Variants in CNGA1 observed in about 807,000 individuals in gnomAD.
CNGA1 encodes cyclic nucleotide-gated channel alpha-1.
In CNGA1, 53 loss-of-function variants were observed where a neutral mutation model predicts 69.7. The observed-to-expected ratio is 0.76, with a 90% CI of 0.61 to 0.96. The LOEUF (loss-of-function observed/expected upper bound fraction) is 0.96, where lower values mean the gene tolerates loss of function less well. Among genes scored for constraint, CNGA1 ranks in the 40% least tolerant of loss-of-function variants. CNGA1 has a pLI of 0.00. For synonymous variants in CNGA1, 249 were observed against 283.5 expected (o/e 0.88, Z 1.22); for missense variants, 739 against 811.2 (o/e 0.91, Z 1.08).
Position 48,016,502 on chromosome 4 carries a change from C to G in CNGA1, c.-242G>C. 1 of 371,848 alleles carries G rather than the reference C, an allele frequency of 2.7e-6. No individual in the cohort carries two copies. The highest frequency in any genetic ancestry group is 4.8e-6 in the Non-Finnish European group (1 of 207,552). 23.0% of individuals were successfully genotyped at this position (371,848 alleles called of 1,614,324 possible). A position where few individuals can be genotyped will look rare whatever the true frequency, so the allele number is the denominator to read the frequency against. On this transcript the variant is annotated 5_prime_UTR_variant, in exon 1 of 11. Transcript: ENST00000514170. The stretch of plus-strand genomic sequence containing the variant: ...AGTTACCTTGGCGGGCTCCACGCTC[C>G]GAGAGACGCTGTTGCTCTATGAGGC...
chr4:47,991,992 T>C (rs1342898824), intron 2 of CNGA1, among the ~76,000 whole-genome samples: 1 of 152,186 alleles, frequency 6.6e-6, no homozygotes, highest in South Asian at 2.1e-4. Flanking sequence ...TTTAGGCTTA[T>C]TTCTGGGTTT....
rs368061050 is a variant in CNGA1, at chr4:47,940,887, C to A, written c.546-18G>T. On this transcript the variant is annotated intron_variant, in intron 9 of 10. Transcript: ENST00000514170. ...AACATGCTCTATAAAAAAAGAAACACTTGTATAAATAAAAAAGAAATGGGG... is the reference window on the plus strand; with the variant it reads ...AACATGCTCTATAAAAAAAGAAACAATTGTATAAATAAAAAAGAAATGGGG... The A allele has an allele frequency of 2.0e-6, 3 of 1,514,774 alleles. No individual in the cohort carries two copies. In the South Asian group the frequency reaches 3.5e-5, roughly 18 times the overall value. 93.8% of individuals were successfully genotyped at this position (1,514,774 alleles called of 1,614,324 possible).
intron 1 of CNGA1, among the ~76,000 whole-genome samples, chr4:48,015,889 G>A (rs947414782): frequency 4.3e-4 from 66 of 152,196 alleles, no homozygotes; most frequent in Admixed American, 5.9e-4. Context: ...TGAGCCACCC[G>A]CCAGCCCTGC....
At chr4:48,016,373 A>T in intron 1 of CNGA1, 110 bp downstream of exon 1, 1 of 171,344 alleles carries the variant, frequency 5.8e-6, no homozygotes, top group Admixed American at 6.3e-5. Flanking sequence ...TAACACCTGA[A>T]GGCTTCCAAA....
At chr4:47,963,238 A>G (rs1740556524) in intron 3 of CNGA1, among the ~76,000 whole-genome samples, 1 of 152,266 alleles carries the variant, frequency 6.6e-6, no homozygotes. Flanking sequence ...GGCGTGGGCC[A>G]TCACGCCAAG....
intron 9 of CNGA1, among the ~76,000 whole-genome samples, chr4:47,941,231 C>T (rs1038012333): frequency 6.6e-6 from 1 of 152,098 alleles, no homozygotes; most frequent in South Asian, 2.1e-4. Context: ...GATGGACACT[C>T]TAAATACCCT....
At position 47,955,189 on chromosome 4, in the gene CNGA1, T is replaced by C. The variant is rs1459327959; in HGVS notation, c.-14-2486A>G. Among the ~76,000 whole-genome samples, 124 of 140,232 alleles carry C rather than the reference T, an allele frequency of 8.8e-4. 2 individuals are homozygous for C. The highest frequency in any genetic ancestry group is 1.8e-3 in the Non-Finnish European group (114 of 65,130). 92.0% of individuals were successfully genotyped at this position (140,232 alleles called of 152,430 possible). A position where few individuals can be genotyped will look rare whatever the true frequency, so the allele number is the denominator to read the frequency against. Reference sequence around the variant, plus strand: ...TTTTCTTTTCTTTTTTTTTTTTTTTTTTTTTTTTTTTGAGACAGAGTCTCA... The same window carrying C: ...TTTTCTTTTCTTTTTTTTTTTTTTTCTTTTTTTTTTTGAGACAGAGTCTCA... On this transcript the variant is annotated intron_variant, in intron 3 of 10. Transcript: ENST00000514170.
intron 6 of CNGA1, among the ~76,000 whole-genome samples, chr4:47,944,949 A>G (rs1309113280): frequency 6.6e-6 from 1 of 152,204 alleles, no homozygotes; most frequent in East Asian, 1.9e-4. Context: ...TTAATAGAAT[A>G]TAGTATTCCT....
At chr4:47,994,912 GAC>G (rs1742419369) in intron 2 of CNGA1, among the ~76,000 whole-genome samples, 1 of 152,094 alleles carries the variant, frequency 6.6e-6, no homozygotes, top group Non-Finnish European at 1.5e-5. Context: ...ATCTGAAAAA[GAC>G]TGTATCTTTC....
Position 47,952,585 on chromosome 4 carries a change from G to T in CNGA1, c.105C>A (p.Cys35Ter), listed in dbSNP as rs1237954156. 15 of 1,612,066 alleles carry T rather than the reference G, an allele frequency of 9.3e-6. No homozygotes were observed. Among genetic ancestry groups the T allele is most frequent in the African/African-American group, 4.0e-5 (3 of 74,870 alleles). The stretch of plus-strand genomic sequence containing the variant: ...CATGGGAAAATGTTTGGATTTACCT[G>T]CATGCTCCATTTTCCATCCTTCGTA... ...KEIRRMENGA[C>*]SSFSEDDDSA... The change falls in exon 4 of 11, where the codon TGC becomes TGA. Residue 35 changes from cysteine (C) to a stop codon, truncating the protein, a stop_gained and splice_region_variant. Coordinates refer to ENST00000514170, the MANE Select transcript of CNGA1 (RefSeq NM_001379270.1). LOFTEE classifies it high-confidence loss of function.
intron 10 of CNGA1, among the ~76,000 whole-genome samples, chr4:47,939,017 G>GAAGA (rs58284554): frequency 1.4e-4 from 21 of 149,770 alleles, no homozygotes; most frequent in Middle Eastern, 3.4e-3. Context: ...GAAAGAGAAA[G>GAAGA]AAGAAAGAAA....
chr4:47,974,374 G>C (rs1230830852), intron 3 of CNGA1, among the ~76,000 whole-genome samples: 1 of 110,734 alleles, frequency 9.0e-6, no homozygotes, highest in Non-Finnish European at 1.9e-5. Context: ...TTTAAAACAA[G>C]AGTCTGTTTA....
intron 2 of CNGA1, among the ~76,000 whole-genome samples, chr4:47,991,703 G>C (rs1342093594): frequency 6.6e-6 from 1 of 152,078 alleles, no homozygotes; most frequent in African/African-American, 2.4e-5. Context: ...TGTTTTTATT[G>C]CATTTGCTTT....
chr4:47,936,657 T>C lies in CNGA1; in HGVS notation c.1825A>G (p.Ile609Val), dbSNP rs1304756194. 13 of 1,614,054 alleles carry C rather than the reference T, an allele frequency of 8.1e-6. No homozygotes were observed. The Admixed American group carries it at 2.0e-4, about 25-fold the overall frequency. Reference protein sequence around the residue: ...LMKDGLLDLNIANAGSDPKDL... With the variant: ...LMKDGLLDLNVANAGSDPKDL... Reference sequence around the variant, plus strand: ...TTAGGATCACTGCCAGCATTTGCAATGTTTAGATCCAGTAGACCATCTTTC... The same window carrying C: ...TTAGGATCACTGCCAGCATTTGCAACGTTTAGATCCAGTAGACCATCTTTC... The change falls in exon 11 of 11, where the codon ATT becomes GTT. Residue 609 changes from isoleucine to valine, a missense_variant. Ile to Val is a conservative substitution (Grantham distance 29). Coordinates refer to ENST00000514170, the MANE Select transcript of CNGA1 (RefSeq NM_001379270.1).
chr4:47,953,024 G>A (rs1739839384), intron 3 of CNGA1, among the ~76,000 whole-genome samples: 1 of 152,134 alleles, frequency 6.6e-6, no homozygotes, highest in Non-Finnish European at 1.5e-5. Context: ...AGACTAGCAT[G>A]GGAAAAACTC....
chr4:47,940,980 C>G lies in CNGA1; in HGVS notation c.546-111G>C. On this transcript the variant is annotated intron_variant, in intron 9 of 10. Coordinates refer to ENST00000514170, the MANE Select transcript of CNGA1 (RefSeq NM_001379270.1). The stretch of plus-strand genomic sequence containing the variant: ...TGATGAGAAGCACAGCACACTCAGG[C>G]TAGGAGAGGTCCTTAGAGTCCTTTA... 1.6e-5 allele frequency: 11 copies of G among 709,342 alleles called. No individual in the cohort carries two copies. The South Asian group carries it at 1.9e-4, about 12-fold the overall frequency. The allele number at this position is 709,342 out of a possible 1,614,324, so 43.9% of individuals were successfully genotyped here.
At chr4:47,940,668 T>G in intron 10 of CNGA1, 95 bp downstream of exon 10, 1 of 922,408 alleles carries the variant, frequency 1.1e-6, no homozygotes, top group Non-Finnish European at 1.7e-6. Flanking sequence ...TTTTGTGAGT[T>G]TTCTTTGAAG....
At chr4:47,990,583 T>C (rs1742214455) in intron 2 of CNGA1, among the ~76,000 whole-genome samples, 1 of 152,134 alleles carries the variant, frequency 6.6e-6, no homozygotes, top group Non-Finnish European at 1.5e-5. Context: ...TTATTGCCCG[T>C]TGAAGCATGT....
At chr4:47,976,747 C>G (rs150958926) in intron 3 of CNGA1, among the ~76,000 whole-genome samples, 3 of 152,136 alleles carry the variant, frequency 2.0e-5, no homozygotes, top group African/African-American at 7.2e-5. Context: ...TTTTGCTTCT[C>G]AACATTTGTT....
Sources: gnomAD v4.1 joint callset for allele counts (sites outside exome capture counted in the v4.1 genomes callset) on GRCh38, gnomAD v4.1.1 for gene constraint, MANE v1.5 for transcripts, NCBI Gene and HGNC (gene_info 2026-07-23, HGNC 2026-07-21) for gene names.